FOXK1: variants seen among roughly 807,000 people sequenced by gnomAD.
FOXK1 encodes forkhead box K1.
In FOXK1, 19 loss-of-function variants were observed where a neutral mutation model predicts 51.9. The ratio of observed to expected loss-of-function variants is 0.37; its 90% CI spans 0.26 to 0.54. The LOEUF (loss-of-function observed/expected upper bound fraction) is 0.54, where lower values mean the gene tolerates loss of function less well. Among genes scored for constraint, FOXK1 ranks in the 20% least tolerant of loss-of-function variants. The probability of loss-of-function intolerance (pLI) is 0.87; values close to 1 mark genes in which losing one functional copy is unlikely to be tolerated. For synonymous variants in FOXK1, 537 were observed against 482.6 expected, an observed-to-expected ratio of 1.11 and a Z score of -1.48; for missense variants, 870 against 1,032.7, an observed-to-expected ratio of 0.84 and a Z score of 2.16.
At position 4,748,119 on chromosome 7, in the gene FOXK1, T is replaced by C. The variant is rs1780729467; in HGVS notation, c.747-6340T>C. ...TTTCCCTATTTGTTTATTTTTCCTTTTTCAGATTACGAAGAGACTATCTAT... is the reference window on the plus strand; with the variant it reads ...TTTCCCTATTTGTTTATTTTTCCTTCTTCAGATTACGAAGAGACTATCTAT... On this transcript the variant is annotated intron_variant, in intron 2 of 8. Coordinates refer to ENST00000328914, the MANE Select transcript of FOXK1 (RefSeq NM_001037165.2). This position sits in a 1 kb window ranked among gnomAD's most constrained non-coding sequence, Gnocchi z 4.9. 1.3e-5 allele frequency among the ~76,000 whole-genome samples: 2 copies of C among 152,176 alleles called. No individual in the cohort carries two copies. The highest frequency in any genetic ancestry group is 1.3e-4 in the Admixed American group (2 of 15,286).
At chr7:4,750,649 C>T (rs1054177867) in intron 2 of FOXK1, among the ~76,000 whole-genome samples, 21 of 151,940 alleles carry the variant, frequency 1.4e-4, no homozygotes, top group Middle Eastern at 3.4e-3. Context: ...AGGATTTCAC[C>T]GTGTTAGCCA....
chr7:4,709,355 C>T lies in FOXK1; in HGVS notation c.560+26487C>T, dbSNP rs946074318. Among the ~76,000 whole-genome samples, 16 of 152,222 alleles carry T rather than the reference C, an allele frequency of 1.1e-4. No individual in the cohort carries two copies. Among genetic ancestry groups the T allele is most frequent in the African/African-American group, 3.9e-4 (16 of 41,460 alleles). ...CCTCCTTCCCAGTGTCACGTTGCTG[C>T]GTCCACGAGCCTGGCTTCCGCTTCC... On this transcript the variant is annotated intron_variant, in intron 1 of 8. Coordinates refer to ENST00000328914, the MANE Select transcript of FOXK1 (RefSeq NM_001037165.2). This position sits in a 1 kb window ranked among gnomAD's most constrained non-coding sequence, Gnocchi z 5.6.
intron 2 of FOXK1, among the ~76,000 whole-genome samples, chr7:4,751,926 C>G (rs1322572461): frequency 6.6e-6 from 1 of 152,186 alleles, no homozygotes; most frequent in Non-Finnish European, 1.5e-5. Flanking sequence ...GGAATGACAA[C>G]TTTTCCTGTG....
Position 4,723,046 on chromosome 7 carries a change from A to G in FOXK1, c.561-17792A>G, listed in dbSNP as rs974282653. ...GGGTTCAGATCACCACACAACCTGT[A>G]TCAGCTTGTGATCCCGAACAAAAAC... is the stretch of plus-strand genomic sequence containing the variant. On this transcript the variant is annotated intron_variant, in intron 1 of 8. Transcript: ENST00000328914. The surrounding 1 kb of genome is among the most constrained non-coding windows in gnomAD (Gnocchi z 4.7). 6.6e-6 allele frequency among the ~76,000 whole-genome samples: 1 copy of G among 152,088 alleles called. No individual in the cohort carries two copies.
At chr7:4,705,688 G>T (rs942273740) in intron 1 of FOXK1, among the ~76,000 whole-genome samples, 12 of 151,534 alleles carry the variant, frequency 7.9e-5, no homozygotes, top group African/African-American at 2.9e-4. Flanking sequence ...ACAGGCTTGT[G>T]CCACCATGCC....
chr7:4,721,421 G>A (rs1375172630), intron 1 of FOXK1, among the ~76,000 whole-genome samples: 1 of 152,076 alleles, frequency 6.6e-6, no homozygotes, highest in Non-Finnish European at 1.5e-5. Context: ...GGTGACAGTG[G>A]CTCAGTAAAA....
intron 1 of FOXK1, among the ~76,000 whole-genome samples, chr7:4,713,164 A>G (rs1230454547): frequency 1.3e-5 from 2 of 152,210 alleles, no homozygotes; most frequent in African/African-American, 2.4e-5. Context: ...AGTTACTTAC[A>G]TTTTGAAATA....
chr7:4,742,257 G>A (rs907141378), intron 2 of FOXK1, among the ~76,000 whole-genome samples: 1 of 152,244 alleles, frequency 6.6e-6, no homozygotes, highest in Non-Finnish European at 1.5e-5. Flanking sequence ...CATCTGTGAA[G>A]CACGCTCTGG....
At chr7:4,740,740 T>A in intron 1 of FOXK1, 98 bp from the exon 2 acceptor site, 1 of 1,242,690 alleles carries the variant, frequency 8.0e-7, no homozygotes, top group Non-Finnish European at 1.1e-6. Flanking sequence ...AGAGTTACGG[T>A]CCAGTTACTT....
In FOXK1 at chr7:4,768,003, C is replaced by G. The variant is rs1781039424; in HGVS notation, c.*5539C>G. On this transcript the variant is annotated 3_prime_UTR_variant, in exon 9 of 9. Transcript: ENST00000328914. ...GAGCTGCTGCGTCCTTTCCTCTGTC[C>G]TCCCTGTCACCCAAACCCCGAAGTC... The G allele has an allele frequency of 6.6e-6, 1 of 152,032 alleles. No homozygotes were observed. The highest frequency in any genetic ancestry group is 2.4e-5 in the African/African-American group (1 of 41,364). 9.4% of individuals were successfully genotyped at this position (152,032 alleles called of 1,614,324 possible). A position where few individuals can be genotyped will look rare whatever the true frequency, so the allele number is the denominator to read the frequency against.
At chr7:4,738,879 C>A (rs1416527481) in intron 1 of FOXK1, among the ~76,000 whole-genome samples, 2 of 152,140 alleles carry the variant, frequency 1.3e-5, no homozygotes, top group Non-Finnish European at 2.9e-5. Context: ...TGTGGGCAGC[C>A]TGGCTAGCAG....
At chr7:4,737,471 T>C (rs930417317) in intron 1 of FOXK1, among the ~76,000 whole-genome samples, 35 of 150,734 alleles carry the variant, frequency 2.3e-4, no homozygotes, top group African/African-American at 7.2e-4. Context: ...CATGTGTGTG[T>C]GTGCGTGGGT....
chr7:4,756,870 C>G lies in FOXK1; in HGVS notation c.1051-124C>G. On this transcript the variant is annotated intron_variant, in intron 4 of 8. Transcript: ENST00000328914. The surrounding 1 kb of genome is among the most constrained non-coding windows in gnomAD (Gnocchi z 4.1). ...CCGTGAGGCCCAGCCAGCACAGCAC[C>G]AAGGGCTCTGCACAGAGGGACGGCC... The G allele has an allele frequency of 9.6e-7, 1 of 1,037,426 alleles. No individual in the cohort carries two copies. The highest frequency in any genetic ancestry group is 1.4e-6 in the Non-Finnish European group (1 of 714,340). The allele number at this position is 1,037,426 out of a possible 1,614,324, so 64.3% of individuals were successfully genotyped here.
At chr7:4,716,199 C>T (rs1780230582) in intron 1 of FOXK1, among the ~76,000 whole-genome samples, 1 of 145,446 alleles carries the variant, frequency 6.9e-6, no homozygotes, top group Admixed American at 7.0e-5. Flanking sequence ...CCAGCCTGTG[C>T]AACATGTGCA....
At chr7:4,714,643 G>A (rs117761178) in intron 1 of FOXK1, among the ~76,000 whole-genome samples, 7 of 152,338 alleles carry the variant, frequency 4.6e-5, no homozygotes, top group African/African-American at 1.7e-4. Flanking sequence ...GTAGGAGTGC[G>A]TGCTTGCTTT....
intron 1 of FOXK1, among the ~76,000 whole-genome samples, chr7:4,697,062 C>T (rs1779962858): frequency 6.6e-6 from 1 of 152,136 alleles, no homozygotes; most frequent in African/African-American, 2.4e-5. Flanking sequence ...CAGAGCGAGA[C>T]TGTCTCAATA....
intron 2 of FOXK1, among the ~76,000 whole-genome samples, chr7:4,751,423 C>T (rs1021103038): frequency 3.9e-5 from 6 of 152,154 alleles, no homozygotes; most frequent in Admixed American, 2.6e-4. Flanking sequence ...ATTAGTTTTC[C>T]GGATGGCTCC....
At position 4,725,100 on chromosome 7, in the gene FOXK1, C is replaced by T. The variant is rs561396308; in HGVS notation, c.561-15738C>T. ...CACCCGCCACCCACAGCGTCCTCCGCGCCCACGTTGCCCTAAACCCCACTG... is the reference window on the plus strand; with the variant it reads ...CACCCGCCACCCACAGCGTCCTCCGTGCCCACGTTGCCCTAAACCCCACTG... On this transcript the variant is annotated intron_variant, in intron 1 of 8. Transcript: ENST00000328914. Among the ~76,000 whole-genome samples, 326 of 152,384 alleles carry T rather than the reference C, an allele frequency of 2.1e-3. 2 individuals are homozygous for T. Among genetic ancestry groups the T allele is most frequent in the African/African-American group, 7.5e-3 (312 of 41,598 alleles).
Position 4,764,746 on chromosome 7 carries a change from C to T in FOXK1, c.*2282C>T, listed in dbSNP as rs1780987407. ...CCTGATGGGAGACCTCTGTTTGCTTCTGGGCCACTGCAGGTTGGCCTCCTC... is the reference window on the plus strand; with the variant it reads ...CCTGATGGGAGACCTCTGTTTGCTTTTGGGCCACTGCAGGTTGGCCTCCTC... On this transcript the variant is annotated 3_prime_UTR_variant, in exon 9 of 9. Coordinates refer to ENST00000328914, the MANE Select transcript of FOXK1 (RefSeq NM_001037165.2). 6.6e-6 allele frequency: 1 copy of T among 152,320 alleles called. No individual in the cohort carries two copies. The highest frequency in any genetic ancestry group is 6.5e-5 in the Admixed American group (1 of 15,286). 9.4% of individuals were successfully genotyped at this position (152,320 alleles called of 1,614,324 possible). A position where few individuals can be genotyped will look rare whatever the true frequency, so the allele number is the denominator to read the frequency against.
Sources: gnomAD v4.1 joint callset for allele counts (sites outside exome capture counted in the v4.1 genomes callset) on GRCh38, gnomAD v4.1.1 for gene constraint, Gnocchi (gnomAD v3.1) non-coding constraint, MANE v1.5 for transcripts, NCBI Gene and HGNC (gene_info 2026-07-23, HGNC 2026-07-21) for gene names.